Variants in SPATA17 observed in about 807,000 individuals in gnomAD.
SPATA17 encodes spermatogenesis associated 17, also known as spermatogenesis-associated protein 17.
SPATA17 carries 53 observed loss-of-function variants against 62.2 expected under a neutral mutation model. The observed-to-expected ratio is 0.85, with a 90% CI of 0.68 to 1.07. SPATA17 has a LOEUF of 1.07. Among genes scored for constraint, SPATA17 ranks in the 50% least tolerant of loss-of-function variants. SPATA17 has a pLI of 0.00. For missense variants in SPATA17, 466 were observed against 425.5 expected (o/e 1.10, Z -0.84); for synonymous variants, 146 against 146.8 (o/e 0.99, Z 0.04).
chr1:217,655,206 A>G lies in SPATA17; in HGVS notation c.240+4028A>G, dbSNP rs144479967. Among the ~76,000 whole-genome samples, 974 of 152,284 alleles carry G rather than the reference A, an allele frequency of 6.4e-3. 12 individuals are homozygous for G. Among genetic ancestry groups the G allele is most frequent in the African/African-American group, 0.022 (896 of 41,550 alleles). On this transcript the variant is annotated intron_variant, in intron 3 of 10. Transcript: ENST00000366933. ...GTGTCTGTTTAGTCACCTTTAATCT[A>G]GAATAATTTTTTAGTCTGTCTTCAC...
intron 8 of SPATA17, among the ~76,000 whole-genome samples, chr1:217,790,466 A>G (rs965379731): frequency 6.6e-6 from 1 of 152,090 alleles, no homozygotes; most frequent in East Asian, 1.9e-4. Flanking sequence ...TTTGAGACAG[A>G]GTCTTGCTCT....
At chr1:217,797,676 T>C (rs17675764) in intron 8 of SPATA17, among the ~76,000 whole-genome samples, 7,011 of 152,286 alleles carry the variant, frequency 0.046, 183 homozygotes, top group Middle Eastern at 0.082. Flanking sequence ...ATTAAATCAA[T>C]GTCATTTACC....
intron 8 of SPATA17, among the ~76,000 whole-genome samples, chr1:217,789,008 C>T (rs1468669808): frequency 6.6e-6 from 1 of 152,090 alleles, no homozygotes; most frequent in African/African-American, 2.4e-5. Context: ...GAGTCTTCCA[C>T]AAGTTTAAGG....
intron 9 of SPATA17, among the ~76,000 whole-genome samples, chr1:217,805,031 G>A (rs186463866): frequency 3.9e-5 from 6 of 152,288 alleles, no homozygotes; most frequent in African/African-American, 1.4e-4. Flanking sequence ...CTATTTCTGG[G>A]TATAGATCAA....
intron 1 of SPATA17, among the ~76,000 whole-genome samples, chr1:217,645,304 A>G (rs2102879932): frequency 6.6e-6 from 1 of 152,282 alleles, no homozygotes; most frequent in African/African-American, 2.4e-5. Context: ...ACATAAACCC[A>G]AAACAGTTAA....
intron 4 of SPATA17, among the ~76,000 whole-genome samples, chr1:217,680,753 T>C (rs1249339137): frequency 6.7e-6 from 1 of 149,622 alleles, no homozygotes; most frequent in South Asian, 2.1e-4. Flanking sequence ...GGTGAAACCC[T>C]GCCTCTATTA....
chr1:217,863,495 G>C (rs1558081490), intron 10 of SPATA17, among the ~76,000 whole-genome samples: 1 of 152,008 alleles, frequency 6.6e-6, no homozygotes, highest in Non-Finnish European at 1.5e-5. Flanking sequence ...TACTGTTGGT[G>C]CTCCAAAGCC....
intron 9 of SPATA17, among the ~76,000 whole-genome samples, chr1:217,862,337 C>A (rs1016300538): frequency 6.6e-6 from 1 of 152,198 alleles, no homozygotes. Context: ...ATTTGAATCA[C>A]TTCTGAGGTA....
chr1:217,760,702 T>C (rs940901673), intron 6 of SPATA17, among the ~76,000 whole-genome samples: 1 of 152,208 alleles, frequency 6.6e-6, no homozygotes, highest in African/African-American at 2.4e-5. Flanking sequence ...TATTATTACA[T>C]TTTCTTTAAC....
chr1:217,853,021 T>A (rs1022815230), intron 9 of SPATA17, among the ~76,000 whole-genome samples: 3 of 152,200 alleles, frequency 2.0e-5, no homozygotes, highest in Admixed American at 6.5e-5. Context: ...CAGGAATTTT[T>A]GCATGACTGG....
intron 8 of SPATA17, among the ~76,000 whole-genome samples, chr1:217,790,675 G>A (rs1005554861): frequency 5.9e-5 from 9 of 152,220 alleles, no homozygotes; most frequent in East Asian, 1.9e-4. Flanking sequence ...TGATCCGCCC[G>A]CCTCGGCCTC....
At chr1:217,635,403 G>A (rs1031843864) in intron 1 of SPATA17, among the ~76,000 whole-genome samples, 2 of 152,034 alleles carry the variant, frequency 1.3e-5, no homozygotes, top group Non-Finnish European at 2.9e-5. Context: ...TAGGTCTTAG[G>A]TAGATTTAAA....
intron 6 of SPATA17, among the ~76,000 whole-genome samples, chr1:217,765,385 C>A (rs1673274573): frequency 6.6e-6 from 1 of 151,210 alleles, no homozygotes; most frequent in Admixed American, 6.6e-5. Flanking sequence ...TATATTTTTT[C>A]TAATATATGC....
At chr1:217,787,579 C>T (rs561892041) in intron 8 of SPATA17, among the ~76,000 whole-genome samples, 3 of 152,200 alleles carry the variant, frequency 2.0e-5, no homozygotes, top group South Asian at 2.1e-4. Context: ...TTTTTGTTTA[C>T]CTTTTTAAAC....
chr1:217,715,426 T>C (rs907463071), intron 5 of SPATA17, among the ~76,000 whole-genome samples: 19 of 152,304 alleles, frequency 1.2e-4, no homozygotes, highest in African/African-American at 4.6e-4. Context: ...TTTAATCTTA[T>C]ATTAAAGAGT....
chr1:217,796,985 GGTTT>G (rs1263775317), intron 8 of SPATA17, among the ~76,000 whole-genome samples: 1 of 151,952 alleles, frequency 6.6e-6, no homozygotes, highest in African/African-American at 2.4e-5. Flanking sequence ...GCCATAACAT[GGTTT>G]GTTTTTCTAG....
chr1:217,717,877 A>G (rs1460508436), intron 5 of SPATA17, among the ~76,000 whole-genome samples: 2 of 152,094 alleles, frequency 1.3e-5, no homozygotes, highest in East Asian at 1.9e-4. Flanking sequence ...GAGATGCTCA[A>G]CATGTACAAT....
intron 9 of SPATA17, among the ~76,000 whole-genome samples, chr1:217,839,571 G>GTT (rs1350737984): frequency 3.3e-5 from 5 of 152,072 alleles, no homozygotes; most frequent in African/African-American, 1.2e-4. Context: ...GCAAACTCTA[G>GTT]TTTATAAAAA....
At chr1:217,676,490 A>G (rs1381803642) in intron 4 of SPATA17, among the ~76,000 whole-genome samples, 1 of 152,168 alleles carries the variant, frequency 6.6e-6, no homozygotes, top group Non-Finnish European at 1.5e-5. Flanking sequence ...AACAATCACA[A>G]AATTATTGCT....
Sources: gnomAD v4.1 joint callset for allele counts (sites outside exome capture counted in the v4.1 genomes callset) on GRCh38, gnomAD v4.1.1 for gene constraint, MANE v1.5 for transcripts, NCBI Gene and HGNC (gene_info 2026-07-23, HGNC 2026-07-21) for gene names.